The following FGD5 variants were observed in gnomAD, a reference collection of about 807,000 sequenced individuals.
The protein encoded by FGD5 is FYVE, RhoGEF and PH domain containing 5.
A neutral mutation model predicts 133.4 loss-of-function variants in FGD5; 28 were observed. That is an observed-to-expected ratio of 0.21 (90% CI 0.16 to 0.29). The LOEUF (loss-of-function observed/expected upper bound fraction) is 0.29. Ranked by LOEUF, FGD5 falls within the 10% of genes least tolerant of loss-of-function variation. The pLI is 1.00. For synonymous variants in FGD5, 810 were observed against 776.5 expected (o/e 1.04, Z -0.72); for missense variants, 1,858 against 1,895.2 (o/e 0.98, Z 0.36).
intron 4 of FGD5, among the ~76,000 whole-genome samples, chr3:14,887,973 C>A (rs534891015): frequency 6.6e-6 from 1 of 150,834 alleles, no homozygotes; most frequent in African/African-American, 2.4e-5. Flanking sequence ...TGAGACCAGC[C>A]TGGGAAACAT....
chr3:14,899,248 A>T lies in FGD5; in HGVS notation c.3154+422A>T, dbSNP rs78675614. Among the ~76,000 whole-genome samples the T allele has an allele frequency of 1.7e-3, 250 of 151,200 alleles. 2 individuals are homozygous for T. In the East Asian group the frequency reaches 0.039, roughly 24 times the overall value. On this transcript the variant is annotated intron_variant, in intron 7 of 19. Coordinates refer to ENST00000285046, the MANE Select transcript of FGD5 (RefSeq NM_152536.4). ...TTTCCTCCGCGGGTTTCTGTGGTAT[A>T]CTCTCTCCCACTTCCCTCCCATCTC...
At chr3:14,812,082 GA>G (rs1242378944) in intron 1 of FGD5, among the ~76,000 whole-genome samples, 3 of 151,674 alleles carry the variant, frequency 2.0e-5, no homozygotes, top group South Asian at 4.2e-4. Flanking sequence ...TCTTTTTAAT[GA>G]AAAAAAGTCA....
chr3:14,849,872 T>C (rs1002583617), intron 1 of FGD5, among the ~76,000 whole-genome samples: 6 of 152,110 alleles, frequency 3.9e-5, no homozygotes, highest in Non-Finnish European at 7.4e-5. Context: ...TGCTGGCTTC[T>C]GTGTCTGCTG....
intron 1 of FGD5, among the ~76,000 whole-genome samples, chr3:14,841,937 A>C (rs1202620153): frequency 6.6e-6 from 1 of 152,178 alleles, no homozygotes; most frequent in Non-Finnish European, 1.5e-5. Flanking sequence ...AGTTGCCGAG[A>C]TCCAGATGTT....
chr3:14,924,237 A>T, intron 17 of FGD5, 99 bp downstream of exon 17: 1 of 1,566,690 alleles, frequency 6.4e-7, no homozygotes. Flanking sequence ...TCCCAGCCTG[A>T]CCAGTCTCTT....
rs375471286 is a variant in FGD5 at position 14,921,988 on chromosome 3, G to C, written c.3640G>C (p.Ala1214Pro). 1.6e-5 allele frequency: 25 copies of C among 1,566,216 alleles called. No individual in the cohort carries two copies. The African/African-American group carries it at 3.4e-4, about 21-fold the overall frequency. ...RALPEDYKAQ[A>P]LAAFHHSVEI... ...CCTCCCTGAGGACTACAAGGCCCAG[G>C]CGCTGGCTGCATTCCACCATAGCGT... is the stretch of plus-strand genomic sequence containing the variant. The change falls in exon 14 of 20, where the codon GCG (alanine) becomes CCG (proline). Residue 1214 changes from alanine to proline, a missense_variant. Around this residue, in one of 3 missense-constraint regions of FGD5, gnomAD observed 1,824 missense variants for 1,848.9 expected, o/e 0.99. Transcript: ENST00000285046.
chr3:14,856,111 C>T (rs2037272882), intron 1 of FGD5, among the ~76,000 whole-genome samples: 1 of 152,042 alleles, frequency 6.6e-6, no homozygotes, highest in Admixed American at 6.6e-5. Flanking sequence ...ATTCAGTTTT[C>T]CCAGACCCAT....
chr3:14,886,770 C>A (rs2037931733), intron 4 of FGD5, among the ~76,000 whole-genome samples: 2 of 152,186 alleles, frequency 1.3e-5, no homozygotes, highest in South Asian at 4.1e-4. Flanking sequence ...TTTGTGATTT[C>A]TTCTTTGACC....
At chr3:14,910,835 G>A (rs768029429) in intron 10 of FGD5, 26 bp from the exon 11 acceptor site, 15 of 1,608,140 alleles carry the variant, frequency 9.3e-6, no homozygotes, top group East Asian at 2.2e-5. Context: ...CAGCCTGACC[G>A]CCAAGTTCTG....
At chr3:14,905,481 T>C (rs151157850) in intron 9 of FGD5, among the ~76,000 whole-genome samples, 308 of 152,330 alleles carry the variant, frequency 2.0e-3, no homozygotes, top group Non-Finnish European at 3.5e-3. Context: ...CCCTGCTCTT[T>C]GTGTTTCAGT....
chr3:14,852,817 C>G (rs533435091), intron 1 of FGD5, among the ~76,000 whole-genome samples: 2 of 152,318 alleles, frequency 1.3e-5, no homozygotes, highest in African/African-American at 4.8e-5. Context: ...GAGGCATTCT[C>G]TCCGAGAGGC....
intron 7 of FGD5, 55 bp downstream of exon 7, chr3:14,898,881 T>G (rs2038187418): frequency 6.8e-7 from 1 of 1,474,150 alleles, no homozygotes; most frequent in Non-Finnish European, 9.2e-7. Context: ...GGAAGGCCCC[T>G]GAGGAGGGGT....
intron 16 of FGD5, 168 bp from the exon 17 acceptor site, chr3:14,923,840 C>G (rs896462195): frequency 2.3e-6 from 2 of 868,358 alleles, no homozygotes; most frequent in South Asian, 1.7e-5. Context: ...GCCCCCATAG[C>G]CTTTGTCTGT....
chr3:14,894,008 T>C (rs768237589), intron 4 of FGD5, among the ~76,000 whole-genome samples: 14 of 152,252 alleles, frequency 9.2e-5, no homozygotes, highest in Non-Finnish European at 1.8e-4. Flanking sequence ...TCTACCTGCC[T>C]CTGCCTCCCA....
intron 4 of FGD5, among the ~76,000 whole-genome samples, chr3:14,886,417 G>A (rs2037924839): frequency 6.6e-6 from 1 of 152,222 alleles, no homozygotes; most frequent in African/African-American, 2.4e-5. Flanking sequence ...TCTTCCCATG[G>A]CGATGGCAGG....
At chr3:14,885,919 A>G (rs1184622381) in intron 4 of FGD5, among the ~76,000 whole-genome samples, 1 of 152,198 alleles carries the variant, frequency 6.6e-6, no homozygotes, top group Non-Finnish European at 1.5e-5. Flanking sequence ...GTTTTTGGAA[A>G]AGACAGTCTA....
chr3:14,906,389 G>A (rs1384558167), intron 9 of FGD5, among the ~76,000 whole-genome samples: 1 of 152,238 alleles, frequency 6.6e-6, no homozygotes, highest in Non-Finnish European at 1.5e-5. Context: ...CTGGGTCCAA[G>A]GGGTTATCGC....
intron 13 of FGD5, among the ~76,000 whole-genome samples, chr3:14,920,963 C>T (rs2038668158): frequency 6.6e-6 from 1 of 152,206 alleles, no homozygotes; most frequent in Non-Finnish European, 1.5e-5. Context: ...GGGGTCGTGG[C>T]CTCACCTCTC....
At position 14,900,570 on chromosome 3, in the gene FGD5, G is replaced by A. The variant is rs1006752924; in HGVS notation, c.3205+117G>A. 2.0e-5 allele frequency: 24 copies of A among 1,215,846 alleles called. No homozygotes were observed. In the East Asian group the frequency reaches 3.6e-4, roughly 18 times the overall value. 75.3% of individuals were successfully genotyped at this position (1,215,846 alleles called of 1,614,324 possible). On this transcript the variant is annotated intron_variant, in intron 8 of 19. Coordinates refer to ENST00000285046, the MANE Select transcript of FGD5 (RefSeq NM_152536.4). ...GATATAGTCCCCTCCCCACCAGCTG[G>A]GTGGGTTCTGCATATGACACATCTT... is the stretch of plus-strand genomic sequence containing the variant.
Sources: allele counts gnomAD v4.1 joint callset (sites outside exome capture counted in the v4.1 genomes callset), GRCh38; gene constraint gnomAD v4.1.1; regional missense constraint gnomAD v4.1.1; transcripts MANE v1.5; gene names NCBI Gene and HGNC (gene_info 2026-07-23, HGNC 2026-07-21).